The following SPTBN1 variants were observed in gnomAD, a reference collection of about 807,000 sequenced individuals.
SPTBN1 encodes the protein spectrin beta chain, non-erythrocytic 1.
A neutral mutation model predicts 266.4 loss-of-function variants in SPTBN1; 32 were observed. The observed-to-expected ratio is 0.12, with a 90% CI of 0.09 to 0.16. The LOEUF (loss-of-function observed/expected upper bound fraction) is 0.16. Among genes scored for constraint, SPTBN1 ranks in the 10% least tolerant of loss-of-function variants. The pLI is 1.00. For synonymous variants in SPTBN1, 1,336 were observed against 1,162.2 expected, an observed-to-expected ratio of 1.15 and a Z score of -3.04; for missense variants, 2,296 against 3,067.1, an observed-to-expected ratio of 0.75 and a Z score of 5.94.
intron 2 of SPTBN1, among the ~76,000 whole-genome samples, chr2:54,550,020 C>T (rs1383564475): frequency 6.6e-6 from 1 of 152,192 alleles, no homozygotes. Flanking sequence ...GAGGACATCA[C>T]TTTCTCCCTA....
chr2:54,642,530 T>TTTG (rs1553349805), intron 18 of SPTBN1, among the ~76,000 whole-genome samples: 39,126 of 88,026 alleles, frequency 0.44, 5,454 homozygotes, highest in South Asian at 0.55. Context: ...AAATAAGTAG[T>TTTG]TTTTTTTTTT....
chr2:54,622,172 C>A, intron 8 of SPTBN1, 128 bp from the exon 9 acceptor site: 1 of 910,096 alleles, frequency 1.1e-6, no homozygotes, highest in Non-Finnish European at 1.7e-6. Context: ...TACAGCTGAA[C>A]TGTTTCAGAG....
intron 4 of SPTBN1, among the ~76,000 whole-genome samples, chr2:54,615,730 T>G (rs940711335): frequency 3.9e-5 from 6 of 152,232 alleles, no homozygotes; most frequent in Non-Finnish European, 5.9e-5. Flanking sequence ...GAGCGGCTTA[T>G]GAAGGCACAC....
chr2:54,539,857 G>T (rs1671831208), intron 2 of SPTBN1, among the ~76,000 whole-genome samples: 1 of 53,366 alleles, frequency 1.9e-5, no homozygotes, highest in Admixed American at 1.7e-4. Context: ...GTACATTATT[G>T]AAAACATTAT....
intron 1 of SPTBN1, among the ~76,000 whole-genome samples, chr2:54,498,608 A>G (rs557812602): frequency 4.6e-5 from 7 of 152,368 alleles, no homozygotes; most frequent in Non-Finnish European, 7.4e-5. Context: ...AGTAAAAGCT[A>G]TATCAGTGTT....
chr2:54,565,234 G>T (rs1319597784), intron 2 of SPTBN1, among the ~76,000 whole-genome samples: 5 of 152,206 alleles, frequency 3.3e-5, no homozygotes, highest in South Asian at 4.1e-4. Context: ...TTGTGGTGGG[G>T]ATGGAGAAGC....
chr2:54,630,954 C>T lies in SPTBN1; in HGVS notation c.2907C>T (p.Ser969=), dbSNP rs1678690949. 1 of 1,614,146 alleles carries T rather than the reference C, an allele frequency of 6.2e-7. No individual in the cohort carries two copies. The highest frequency in any genetic ancestry group is 8.5e-7 in the Non-Finnish European group (1 of 1,180,024). The change falls in exon 16 of 36, where the codon TCC becomes TCT. Residue 969 remains serine (S), a synonymous_variant. Transcript: ENST00000356805. ...NYHLECNETK[S]WIREKTKVIE... is the part of the protein sequence containing the mutation. The stretch of plus-strand genomic sequence containing the variant: ...ACCTCGAGTGCAATGAAACCAAATC[C>T]TGGATTCGGGAAAAGACCAAGGTCA...
At chr2:54,621,319 C>A in intron 7 of SPTBN1, 81 bp from the exon 8 acceptor site, 1 of 939,428 alleles carries the variant, frequency 1.1e-6, no homozygotes, top group Non-Finnish European at 1.7e-6. Flanking sequence ...TGTTGACCAG[C>A]AGTCGTTGCA....
rs1572780155 is a variant in SPTBN1 at position 54,662,448 on chromosome 2, G to C, written c.6421-2005G>C. On this transcript the variant is annotated intron_variant, in intron 32 of 35. Transcript: ENST00000356805. ...ATTATCCTCAGAAGAGGCTTCCCTG[G>C]CCTTCATCTACCTTGCAGTCTGACC... 7.6e-6 allele frequency: 3 copies of C among 395,834 alleles called. No homozygotes were observed. The East Asian group carries it at 4.8e-4, about 63-fold the overall frequency. The allele number at this position is 395,834 out of a possible 1,614,324, so 24.5% of individuals were successfully genotyped here.
At chr2:54,465,639 C>CATATATAT (rs70944167) in intron 1 of SPTBN1, among the ~76,000 whole-genome samples, 1,600 of 116,240 alleles carry the variant, frequency 0.014, 41 homozygotes, top group African/African-American at 0.042. Flanking sequence ...ATGTTTATCT[C>CATATATAT]ATATATATAT....
At chr2:54,461,252 C>T (rs958994302) in intron 1 of SPTBN1, among the ~76,000 whole-genome samples, 1 of 152,200 alleles carries the variant, frequency 6.6e-6, no homozygotes, top group Non-Finnish European at 1.5e-5. Flanking sequence ...GATTAAGATT[C>T]TATTCCCAAG....
At position 54,629,354 on chromosome 2, in the gene SPTBN1, G is replaced by A. The variant is rs760652571; in HGVS notation, c.2220G>A (p.Leu740=). The stretch of plus-strand genomic sequence containing the variant: ...TCTCGGCCATTCGGAAGAAGCGCCT[G>A]GAGGAGGCCTCCCTGCTGCACCAGT... ...EQLSAIRKKR[L]EEASLLHQFQ... is the part of the protein sequence containing the mutation. The change falls in exon 14 of 36, where the codon CTG becomes CTA. Residue 740 remains leucine, a synonymous_variant. Transcript: ENST00000356805. The A allele has an allele frequency of 1.9e-6, 3 of 1,614,092 alleles. No individual in the cohort carries two copies. In the East Asian group the frequency reaches 6.7e-5, roughly 36 times the overall value.
intron 2 of SPTBN1, among the ~76,000 whole-genome samples, chr2:54,542,177 T>C (rs1388386197): frequency 1.3e-5 from 2 of 152,266 alleles, no homozygotes; most frequent in Non-Finnish European, 2.9e-5. Context: ...AGTTAGGTGA[T>C]TAAGTGAAAA....
intron 3 of SPTBN1, among the ~76,000 whole-genome samples, chr2:54,610,384 G>A (rs995294504): frequency 6.6e-6 from 1 of 151,900 alleles, no homozygotes; most frequent in Non-Finnish European, 1.5e-5. Context: ...CTCTCTTATG[G>A]CAATCCTGCA....
At chr2:54,486,824 T>A (rs1011469232) in intron 1 of SPTBN1, among the ~76,000 whole-genome samples, 15 of 152,002 alleles carry the variant, frequency 9.9e-5, no homozygotes, top group African/African-American at 3.1e-4. Context: ...ATTTTGATGT[T>A]GATTTAGAAG....
chr2:54,621,344 C>T (rs2103865467), intron 7 of SPTBN1, 56 bp from the exon 8 acceptor site: 1 of 1,347,138 alleles, frequency 7.4e-7, no homozygotes, highest in Non-Finnish European at 1.1e-6. Context: ...TTCCTGCTAC[C>T]TGGGTGGGGC....
chr2:54,582,293 G>A (rs892823768), intron 2 of SPTBN1, among the ~76,000 whole-genome samples: 1 of 152,140 alleles, frequency 6.6e-6, no homozygotes, highest in Non-Finnish European at 1.5e-5. Context: ...GGAAGGTGTC[G>A]ATCTTGGTTC....
At chr2:54,587,152 C>G (rs1447628081) in intron 2 of SPTBN1, among the ~76,000 whole-genome samples, 3 of 152,184 alleles carry the variant, frequency 2.0e-5, no homozygotes, top group Admixed American at 6.5e-5. Flanking sequence ...TGAATTCTCT[C>G]TCAATACCTC....
In SPTBN1 at chr2:54,653,561, G is replaced by T; in HGVS notation, c.5578-48G>T. 3.1e-6 allele frequency: 5 copies of T among 1,595,846 alleles called. No individual in the cohort carries two copies. The highest frequency in any genetic ancestry group is 4.3e-6 in the Non-Finnish European group (5 of 1,175,174). On this transcript the variant is annotated intron_variant, in intron 26 of 35. Coordinates refer to ENST00000356805, the MANE Select transcript of SPTBN1 (RefSeq NM_003128.3). This position sits in a 1 kb window ranked among gnomAD's most constrained non-coding sequence, Gnocchi z 5.1. ...AGAATAGGGCTTGGGGTGATGGTGG[G>T]AAGGCCGCCATGGGCTGACCTGGCT...
Sources: allele counts gnomAD v4.1 joint callset (sites outside exome capture counted in the v4.1 genomes callset), GRCh38; gene constraint gnomAD v4.1.1; non-coding constraint Gnocchi (gnomAD v3.1); transcripts MANE v1.5; gene names NCBI Gene and HGNC (gene_info 2026-07-23, HGNC 2026-07-21).